Variants in APCDD1L observed in about 807,000 individuals in gnomAD.
APCDD1L encodes the protein APC down-regulated 1 like.
Under a neutral mutation model 24.2 loss-of-function variants are expected in APCDD1L, and 21 were observed. The observed-to-expected ratio is 0.87, with a 90% CI of 0.61 to 1.25. The LOEUF (loss-of-function observed/expected upper bound fraction) is 1.25. Ranked by LOEUF, APCDD1L falls within the 50% of genes most tolerant of loss-of-function variation. The probability of loss-of-function intolerance (pLI) is 0.00; values close to 1 mark genes in which losing one functional copy is unlikely to be tolerated. For synonymous variants in APCDD1L, 321 were observed against 323.6 expected (o/e 0.99, Z 0.09); for missense variants, 704 against 711.7 (o/e 0.99, Z 0.12).
Position 58,508,622 on chromosome 20 carries a change from C to T in APCDD1L, c.49+6037G>A, listed in dbSNP as rs8119783. On this transcript the variant is annotated intron_variant, in intron 1 of 3. Transcript: ENST00000371149. This position sits in a 1 kb window ranked among gnomAD's most constrained non-coding sequence, Gnocchi z 4.0. ...CTGGAGGAGCTGAGGAGGGCCTCTG[C>T]GGCAGGGCCCTTCAGTGCAGCTGTG... Among the ~76,000 whole-genome samples the T allele has an allele frequency of 0.017, 2,577 of 152,202 alleles. 67 individuals are homozygous for T. Among genetic ancestry groups the T allele is most frequent in the African/African-American group, 0.057 (2,355 of 41,504 alleles).
At chr20:58,495,914 C>T (rs549580408) in intron 1 of APCDD1L, among the ~76,000 whole-genome samples, 3 of 152,288 alleles carry the variant, frequency 2.0e-5, no homozygotes, top group South Asian at 4.1e-4. Context: ...TTGAGGGCCC[C>T]GGGTCCCCCT....
intron 1 of APCDD1L, among the ~76,000 whole-genome samples, chr20:58,513,228 C>T (rs1990664615): frequency 6.6e-6 from 1 of 152,184 alleles, no homozygotes; most frequent in Non-Finnish European, 1.5e-5. Context: ...CAGCACCCAG[C>T]AGAGGCGCGC....
chr20:58,467,368 C>T lies in APCDD1L; in HGVS notation c.479G>A (p.Arg160Gln), dbSNP rs1989731235. The T allele has an allele frequency of 2.0e-6, 3 of 1,477,022 alleles. No individual in the cohort carries two copies. The highest frequency in any genetic ancestry group is 2.7e-5 in the South Asian group (2 of 74,754). 91.5% of individuals were successfully genotyped at this position (1,477,022 alleles called of 1,614,324 possible). A position where few individuals can be genotyped will look rare whatever the true frequency, so the allele number is the denominator to read the frequency against. The change falls in exon 3 of 4, where the codon CGG becomes CAG. Residue 160 changes from arginine to glutamine, a missense_variant. Transcript: ENST00000371149. The surrounding 1 kb of genome is among the most constrained non-coding windows in gnomAD (Gnocchi z 5.9). Reference sequence around the variant, plus strand: ...CCAGGCCCGGGCCGGAGGCAGCCGCCGCGCGCAGTCCCGGCCGGCGCGGGT... The same window carrying T: ...CCAGGCCCGGGCCGGAGGCAGCCGCTGCGCGCAGTCCCGGCCGGCGCGGGT... The part of the protein sequence containing the change: ...NQTRAGRDCA[R>Q]RLPPARAWLP...
intron 1 of APCDD1L, among the ~76,000 whole-genome samples, chr20:58,471,172 C>T (rs1434997272): frequency 6.6e-6 from 1 of 152,186 alleles, no homozygotes; most frequent in Non-Finnish European, 1.5e-5. Flanking sequence ...GGACTCAGGA[C>T]CCAAGGTGCT....
chr20:58,472,781 C>A (rs576843048), intron 1 of APCDD1L, among the ~76,000 whole-genome samples: 1 of 152,284 alleles, frequency 6.6e-6, no homozygotes, highest in South Asian at 2.1e-4. Context: ...AGAGAGAGGC[C>A]GTGGTTGTTT....
intron 1 of APCDD1L, among the ~76,000 whole-genome samples, chr20:58,481,564 T>G (rs2123156335): frequency 6.6e-6 from 1 of 152,228 alleles, no homozygotes; most frequent in Middle Eastern, 3.4e-3. Context: ...TTCCATTGAG[T>G]ACCCTTGGAT....
intron 1 of APCDD1L, among the ~76,000 whole-genome samples, chr20:58,495,919 C>G (rs1022181000): frequency 2.0e-5 from 3 of 152,052 alleles, no homozygotes; most frequent in Non-Finnish European, 4.4e-5. Context: ...GGCCCCGGGT[C>G]CCCCTCTCCA....
chr20:58,477,241 C>T (rs1048617822), intron 1 of APCDD1L, among the ~76,000 whole-genome samples: 1 of 152,226 alleles, frequency 6.6e-6, no homozygotes, highest in African/African-American at 2.4e-5. Context: ...CATCCATTGT[C>T]CCATTAATGT....
rs112628550 is a variant in APCDD1L, at chr20:58,470,735, G to A, written c.62C>T (p.Pro21Leu). 2.0e-3 allele frequency: 3,067 copies of A among 1,537,840 alleles called. 79 individuals are homozygous for A. The South Asian group carries it at 0.023, about 12-fold the overall frequency. Residue 21 changes from proline to leucine, a missense_variant, in exon 2 of 4, where the codon CCG becomes CTG. By Grantham distance (98) the Pro-to-Leu change is moderately conservative. Coordinates refer to ENST00000371149, the MANE Select transcript of APCDD1L (RefSeq NM_153360.3). ...GCTGCCCCCGGCCTCCCCAGCCGCC[G>A]GTGCAGTGTGGGCTGCAAAGCAGAC... ...VLVLLGAHTA[P>L]AAGEAGGSCL...
At chr20:58,476,152 A>G (rs563169484) in intron 1 of APCDD1L, among the ~76,000 whole-genome samples, 1 of 152,260 alleles carries the variant, frequency 6.6e-6, no homozygotes, top group African/African-American at 2.4e-5. Flanking sequence ...ACTATCATTC[A>G]TTCATTCATT....
chr20:58,492,457 A>G (rs1990239800), intron 1 of APCDD1L, among the ~76,000 whole-genome samples: 1 of 152,248 alleles, frequency 6.6e-6, no homozygotes, highest in Admixed American at 6.5e-5. Context: ...ATTAATAGTC[A>G]GGGCCGTGCA....
At chr20:58,491,639 G>T (rs767757980) in intron 1 of APCDD1L, among the ~76,000 whole-genome samples, 4 of 152,190 alleles carry the variant, frequency 2.6e-5, no homozygotes, top group Admixed American at 6.5e-5. Context: ...AATATTAAGA[G>T]ATGTCTACCT....
At chr20:58,511,003 A>T (rs1396042436) in intron 1 of APCDD1L, among the ~76,000 whole-genome samples, 1 of 151,702 alleles carries the variant, frequency 6.6e-6, no homozygotes, top group Non-Finnish European at 1.5e-5. Flanking sequence ...GCAGCATCTG[A>T]CTCCCTGCAG....
rs1279627055 is a variant in APCDD1L at position 58,480,307 on chromosome 20, C to G, written c.50-9560G>C. Among the ~76,000 whole-genome samples the G allele has an allele frequency of 2.6e-5, 4 of 152,060 alleles. No homozygotes were observed. The South Asian group carries it at 8.3e-4, about 32-fold the overall frequency. ...TGCACTCAGAGAGTTGAAGGCTGCC[C>G]GAGAAAGTCAGTCAAGGGGTACCTG... On this transcript the variant is annotated intron_variant, in intron 1 of 3. Transcript: ENST00000371149.
At chr20:58,505,961 C>T (rs1430416625) in intron 1 of APCDD1L, among the ~76,000 whole-genome samples, 1 of 152,110 alleles carries the variant, frequency 6.6e-6, no homozygotes, top group African/African-American at 2.4e-5. Flanking sequence ...TGGCAAATAC[C>T]AGAAGCTGGA....
At chr20:58,510,911 C>T (rs781718689) in intron 1 of APCDD1L, among the ~76,000 whole-genome samples, 3 of 152,160 alleles carry the variant, frequency 2.0e-5, no homozygotes, top group Admixed American at 6.5e-5. Flanking sequence ...TGCTAAGTGA[C>T]GTGTCCAAGC....
In APCDD1L at chr20:58,466,125, C is replaced by CAAAAAA. The variant is rs35123325; in HGVS notation, c.741+975_741+980dup. Among the ~76,000 whole-genome samples the CAAAAAA allele has an allele frequency of 1.2e-4, 14 of 120,402 alleles. 1 individual carries two copies. The highest frequency in any genetic ancestry group is 5.0e-4 in the East Asian group (2 of 4,034). The allele number at this position is 120,402 out of a possible 152,430, so 79.0% of individuals were successfully genotyped here. A position where few individuals can be genotyped will look rare whatever the true frequency, so the allele number is the denominator to read the frequency against. ...TCTTTCTGCCTGTTTGCTCATCTGG[C>CAAAAAA]AAAAAAAAAAAAAAAAAAGTGTGCT... On this transcript the variant is annotated intron_variant, in intron 3 of 3. Transcript: ENST00000371149.
intron 1 of APCDD1L, among the ~76,000 whole-genome samples, chr20:58,479,250 C>T (rs1031479309): frequency 6.6e-5 from 10 of 152,292 alleles, no homozygotes; most frequent in African/African-American, 1.2e-4. Flanking sequence ...ACAAATACAA[C>T]GATTAATGAG....
chr20:58,478,318 C>T (rs543341383), intron 1 of APCDD1L, among the ~76,000 whole-genome samples: 8 of 152,046 alleles, frequency 5.3e-5, no homozygotes, highest in Admixed American at 3.3e-4. Flanking sequence ...GGTGTGCTCA[C>T]TGCTAGTGGG....
Sources: allele counts gnomAD v4.1 joint callset (sites outside exome capture counted in the v4.1 genomes callset), GRCh38; gene constraint gnomAD v4.1.1; non-coding constraint Gnocchi (gnomAD v3.1); transcripts MANE v1.5; gene names NCBI Gene and HGNC (gene_info 2026-07-23, HGNC 2026-07-21).